SPAG16: variants seen among roughly 807,000 people sequenced by gnomAD.
SPAG16 encodes sperm associated antigen 16.
A neutral mutation model predicts 80.4 loss-of-function variants in SPAG16; 86 were observed. The observed-to-expected ratio is 1.07, with a 90% CI of 0.90 to 1.28. The LOEUF (loss-of-function observed/expected upper bound fraction) is 1.28, where lower values mean the gene tolerates loss of function less well. Ranked by LOEUF, SPAG16 falls within the 50% of genes most tolerant of loss-of-function variation. The probability of loss-of-function intolerance (pLI) is 0.00; values close to 1 mark genes in which losing one functional copy is unlikely to be tolerated. For synonymous variants in SPAG16, 294 were observed against 265.9 expected, an observed-to-expected ratio of 1.11 and a Z score of -1.03; for missense variants, 870 against 765.3, an observed-to-expected ratio of 1.14 and a Z score of -1.61.
At chr2:214,006,062 T>C (rs1343162438) in intron 12 of SPAG16, among the ~76,000 whole-genome samples, 1 of 152,192 alleles carries the variant, frequency 6.6e-6, no homozygotes, top group Non-Finnish European at 1.5e-5. Flanking sequence ...TTACTAAGGG[T>C]TAATATGGTA....
At chr2:213,369,440 G>C (rs767853464) in intron 8 of SPAG16, among the ~76,000 whole-genome samples, 21 of 152,142 alleles carry the variant, frequency 1.4e-4, no homozygotes, top group Admixed American at 8.5e-4. Context: ...AGGTGTGGTG[G>C]AAATGTTTTA....
At chr2:214,096,083 C>T (rs555118792) in intron 13 of SPAG16, among the ~76,000 whole-genome samples, 2 of 151,926 alleles carry the variant, frequency 1.3e-5, no homozygotes, top group East Asian at 3.9e-4. Flanking sequence ...TAAATTTTGA[C>T]TCTATTTGCT....
At position 213,885,131 on chromosome 2, in the gene SPAG16, G is replaced by C. The variant is rs565711117; in HGVS notation, c.1214+22503G>C. Reference sequence around the variant, plus strand: ...AACTGTAGTTTAAATATAGTCAGTTGGTTTCATTTCTGGATGTTTTTAGAC... The same window carrying C: ...AACTGTAGTTTAAATATAGTCAGTTCGTTTCATTTCTGGATGTTTTTAGAC... On this transcript the variant is annotated intron_variant, in intron 11 of 15. Coordinates refer to ENST00000331683, the MANE Select transcript of SPAG16 (RefSeq NM_024532.5). 3.3e-5 allele frequency among the ~76,000 whole-genome samples: 5 copies of C among 152,176 alleles called. No homozygotes were observed. The South Asian group carries it at 8.3e-4, about 25-fold the overall frequency.
intron 11 of SPAG16, among the ~76,000 whole-genome samples, chr2:213,891,600 G>A (rs78227016): frequency 0.01 from 1,582 of 152,232 alleles, 35 homozygotes; most frequent in African/African-American, 0.035. Flanking sequence ...GAGGCTTCCA[G>A]TTCCAAAATT....
chr2:214,346,348 T>C (rs909641348), intron 15 of SPAG16, among the ~76,000 whole-genome samples: 1 of 152,236 alleles, frequency 6.6e-6, no homozygotes, highest in Non-Finnish European at 1.5e-5. Context: ...TGAGAACTTT[T>C]TCAAGTTAAT....
At chr2:214,281,052 G>A in intron 15 of SPAG16, 1 of 388,322 alleles carries the variant, frequency 2.6e-6, no homozygotes, top group Non-Finnish European at 5.0e-6. Context: ...AAACTTTATT[G>A]CCAGTAGTAG....
intron 10 of SPAG16, among the ~76,000 whole-genome samples, chr2:213,681,958 TC>T (rs1421733966): frequency 6.6e-6 from 1 of 152,196 alleles, no homozygotes. Context: ...AGATCCAGGC[TC>T]CTTTCCCTTC....
At chr2:213,385,723 C>A (rs1002214703) in intron 9 of SPAG16, among the ~76,000 whole-genome samples, 1 of 151,630 alleles carries the variant, frequency 6.6e-6, no homozygotes, top group Non-Finnish European at 1.5e-5. Context: ...TTTGCAGGGC[C>A]AGAGAGTTCA....
rs118186832 is a variant in SPAG16, at chr2:214,149,939, T to C, written c.1720+673T>C. Among the ~76,000 whole-genome samples the C allele has an allele frequency of 1.3e-3, 192 of 152,208 alleles. 3 individuals carry two copies. The East Asian group carries it at 0.034, about 27-fold the overall frequency. ...TTAAAAATACAGTTGCATCTGCATC[T>C]TTAATGATAGAGTTTACTAAATAAT... On this transcript the variant is annotated intron_variant, in intron 15 of 15. Coordinates refer to ENST00000331683, the MANE Select transcript of SPAG16 (RefSeq NM_024532.5).
chr2:214,391,446 A>T (rs572564944), intron 15 of SPAG16, among the ~76,000 whole-genome samples: 1 of 152,344 alleles, frequency 6.6e-6, no homozygotes, highest in East Asian at 1.9e-4. Flanking sequence ...AATAAAATAT[A>T]AATGGGAAAA....
chr2:213,407,995 CAGAG>C (rs569252357), intron 9 of SPAG16, among the ~76,000 whole-genome samples: 45 of 77,286 alleles, frequency 5.8e-4, no homozygotes, highest in Middle Eastern at 0.029. Flanking sequence ...AGGAGAGAGG[CAGAG>C]AGAGACAGGA....
At chr2:213,656,675 A>G (rs761420708) in intron 10 of SPAG16, among the ~76,000 whole-genome samples, 5 of 152,226 alleles carry the variant, frequency 3.3e-5, no homozygotes, top group Non-Finnish European at 7.3e-5. Context: ...AAAAGCCTAC[A>G]TGAATTATGT....
intron 11 of SPAG16, among the ~76,000 whole-genome samples, chr2:213,895,285 A>G (rs183961470): frequency 7.2e-5 from 11 of 152,266 alleles, no homozygotes; most frequent in Admixed American, 5.9e-4. Flanking sequence ...GAAACAAATG[A>G]AAAGATATTT....
chr2:213,520,187 C>T (rs2075605821), intron 10 of SPAG16, among the ~76,000 whole-genome samples: 1 of 152,028 alleles, frequency 6.6e-6, no homozygotes, highest in Admixed American at 6.6e-5. Flanking sequence ...TTGGCAACCA[C>T]CAGAAGTTAG....
chr2:213,336,989 C>T (rs1240729445), intron 5 of SPAG16, among the ~76,000 whole-genome samples: 1 of 152,122 alleles, frequency 6.6e-6, no homozygotes, highest in Non-Finnish European at 1.5e-5. Flanking sequence ...AGGTTGGTGC[C>T]CCTCTGGGAC....
At chr2:213,674,864 T>C (rs1462119303) in intron 10 of SPAG16, among the ~76,000 whole-genome samples, 240 of 145,984 alleles carry the variant, frequency 1.6e-3, no homozygotes, top group South Asian at 5.7e-3. Context: ...TGTGTCTTTA[T>C]AGCAGCATGA....
chr2:213,854,955 A>G (rs1408445258), intron 10 of SPAG16, among the ~76,000 whole-genome samples: 1 of 152,256 alleles, frequency 6.6e-6, no homozygotes, highest in Non-Finnish European at 1.5e-5. Context: ...CTTTCATGCT[A>G]CAAGAGCAGA....
At chr2:214,188,650 G>A (rs1298437367) in intron 15 of SPAG16, among the ~76,000 whole-genome samples, 2 of 152,070 alleles carry the variant, frequency 1.3e-5, no homozygotes, top group Non-Finnish European at 2.9e-5. Context: ...TCAGAGGTGA[G>A]ATATCTTTAC....
chr2:214,222,412 C>T lies in SPAG16; in HGVS notation c.1720+73146C>T, dbSNP rs1168568480. Reference sequence around the variant, plus strand: ...GATTACAGGCGTGAGCCACCACTCCCTCCTTGCTATTCTTGAGCACATTGT... The same window carrying T: ...GATTACAGGCGTGAGCCACCACTCCTTCCTTGCTATTCTTGAGCACATTGT... On this transcript the variant is annotated intron_variant, in intron 15 of 15. Transcript: ENST00000331683. Among the ~76,000 whole-genome samples the T allele has an allele frequency of 2.0e-5, 3 of 152,234 alleles. No individual in the cohort carries two copies. In the South Asian group the frequency reaches 6.2e-4, roughly 32 times the overall value.
Sources: allele counts gnomAD v4.1 joint callset (sites outside exome capture counted in the v4.1 genomes callset), GRCh38; gene constraint gnomAD v4.1.1; transcripts MANE v1.5; gene names NCBI Gene and HGNC (gene_info 2026-07-23, HGNC 2026-07-21).